MLIP: variants seen among roughly 807,000 people sequenced by gnomAD.
MLIP encodes muscular LMNA-interacting protein.
In MLIP, 79 loss-of-function variants were observed where a neutral mutation model predicts 84.8. That is an observed-to-expected ratio of 0.93 (90% CI 0.78 to 1.12). The LOEUF (loss-of-function observed/expected upper bound fraction) is 1.12. MLIP is among the 50% of genes most tolerant of loss of function. The pLI, the probability that MLIP is intolerant of heterozygous loss-of-function variation, is 0.00. For synonymous variants in MLIP, 504 were observed against 463.0 expected, an observed-to-expected ratio of 1.09 and a Z score of -1.14; for missense variants, 1,257 against 1,160.6, an observed-to-expected ratio of 1.08 and a Z score of -1.21.
At chr6:54,205,934 A>G (rs574792970) in intron 11 of MLIP, among the ~76,000 whole-genome samples, 1 of 152,292 alleles carries the variant, frequency 6.6e-6, no homozygotes, top group South Asian at 2.1e-4. Context: ...ACACTTTGCC[A>G]TAAATCTATG....
intron 1 of MLIP, among the ~76,000 whole-genome samples, chr6:54,035,985 T>C (rs1037885921): frequency 2.6e-5 from 4 of 152,058 alleles, no homozygotes; most frequent in Admixed American, 1.3e-4. Context: ...AGGTCCAGTT[T>C]ACCATTTTTT....
intron 11 of MLIP, among the ~76,000 whole-genome samples, chr6:54,210,219 C>T (rs1779346284): frequency 6.6e-6 from 1 of 152,272 alleles, no homozygotes; most frequent in African/African-American, 2.4e-5. Context: ...ACATACGTTT[C>T]AGTTCTTTCA....
At chr6:54,151,789 T>C (rs1773472678) in intron 5 of MLIP, among the ~76,000 whole-genome samples, 1 of 152,190 alleles carries the variant, frequency 6.6e-6, no homozygotes, top group Non-Finnish European at 1.5e-5. Flanking sequence ...AAACCAGATT[T>C]ACTTTTTAAA....
intron 1 of MLIP, among the ~76,000 whole-genome samples, chr6:54,086,927 A>G (rs1167075958): frequency 6.6e-6 from 1 of 152,204 alleles, no homozygotes; most frequent in Admixed American, 6.6e-5. Flanking sequence ...TACTCCCTGT[A>G]CATATCTTCC....
In MLIP at chr6:54,160,597, A is replaced by G. The variant is rs146495445; in HGVS notation, c.2437A>G (p.Met813Val). Residue 813 changes from methionine to valine, a missense_variant and splice_region_variant, in exon 7 of 14, where the codon ATG becomes GTG. Met to Val is a conservative substitution (Grantham distance 21, BLOSUM62 1). Transcript: ENST00000502396. ...IDKVLQDSLS[M>V]HSSDSPSRSP... Reference sequence around the variant, plus strand: ...TAAGGTCTTACAGGATTCCTTGTCTATGGTAATGCTTTAGACTAGAATGTG... The same window carrying G: ...TAAGGTCTTACAGGATTCCTTGTCTGTGGTAATGCTTTAGACTAGAATGTG... The G allele has an allele frequency of 7.5e-6, 12 of 1,609,056 alleles. No homozygotes were observed. The highest frequency in any genetic ancestry group is 2.2e-5 in the East Asian group (1 of 44,766).
chr6:54,116,589 T>G (rs1309001103), intron 1 of MLIP, among the ~76,000 whole-genome samples: 2 of 152,206 alleles, frequency 1.3e-5, no homozygotes, highest in Non-Finnish European at 2.9e-5. Context: ...ATAAGAAAGT[T>G]GAATCAGCAA....
At chr6:54,240,664 T>C (rs760177161) in intron 12 of MLIP, among the ~76,000 whole-genome samples, 1 of 152,168 alleles carries the variant, frequency 6.6e-6, no homozygotes, top group South Asian at 2.1e-4. Flanking sequence ...TTCAGAATTA[T>C]CTGGGGAGCT....
At chr6:54,145,498 A>G (rs981931495) in intron 4 of MLIP, among the ~76,000 whole-genome samples, 11 of 152,060 alleles carry the variant, frequency 7.2e-5, no homozygotes, top group African/African-American at 2.7e-4. Context: ...TTGGCCAGGC[A>G]TGGTGGCTCA....
At chr6:54,135,002 G>A (rs1771683504) in intron 3 of MLIP, among the ~76,000 whole-genome samples, 1 of 151,690 alleles carries the variant, frequency 6.6e-6, no homozygotes, top group African/African-American at 2.4e-5. Flanking sequence ...AAAATTCCCT[G>A]GATACACTAT....
intron 13 of MLIP, 135 bp downstream of exon 13, chr6:54,257,496 T>C: frequency 1.6e-6 from 1 of 627,104 alleles, no homozygotes; most frequent in South Asian, 2.1e-5. Flanking sequence ...ACTGTTTCAC[T>C]CTGTCAGTCA....
intron 1 of MLIP, among the ~76,000 whole-genome samples, chr6:54,060,984 T>C (rs1765931811): frequency 6.6e-6 from 1 of 150,684 alleles, no homozygotes; most frequent in African/African-American, 2.4e-5. Context: ...TTTTACTGTT[T>C]CTTTTTTTTT....
chr6:54,081,484 T>C (rs1225812735), intron 1 of MLIP, among the ~76,000 whole-genome samples: 2 of 152,184 alleles, frequency 1.3e-5, no homozygotes. Flanking sequence ...CTCCGCTCAC[T>C]GCAACCTCCG....
chr6:54,068,036 T>TCTTTCCTTCCTTCCTTCC (rs1411244271), intron 1 of MLIP, among the ~76,000 whole-genome samples: 1 of 16,780 alleles, frequency 6.0e-5, no homozygotes, highest in African/African-American at 1.2e-4. Flanking sequence ...TCCTTCCTTT[T>TCTTTCCTTCCTTCCTTCC]TTCTTTCCTT....
At chr6:54,180,680 A>AT (rs1316804835) in intron 9 of MLIP, among the ~76,000 whole-genome samples, 3 of 151,936 alleles carry the variant, frequency 2.0e-5, no homozygotes, top group Non-Finnish European at 4.4e-5. Context: ...TTTCTGCTTG[A>AT]TTTTGTTTTA....
At chr6:54,089,986 C>T (rs1193306784) in intron 1 of MLIP, among the ~76,000 whole-genome samples, 2 of 152,040 alleles carry the variant, frequency 1.3e-5, no homozygotes, top group African/African-American at 2.4e-5. Context: ...CTGACAATAC[C>T]TCTCCCCCTT....
chr6:54,090,205 T>C (rs1767771686), intron 1 of MLIP, among the ~76,000 whole-genome samples: 1 of 152,120 alleles, frequency 6.6e-6, no homozygotes, highest in Non-Finnish European at 1.5e-5. Flanking sequence ...AGATTTAGGC[T>C]TTCTTCTCAA....
rs749424242 is a variant in MLIP, at chr6:54,231,936, AG to A, written c.2922+1020del. ...TAACACTGTTATATAAGGAAAAATTAGATTTTTATATTTAATAGCTTCTATG... is the reference window on the plus strand; with the variant it reads ...TAACACTGTTATATAAGGAAAAATTAATTTTTATATTTAATAGCTTCTATG... On this transcript the variant is annotated intron_variant, in intron 12 of 13. Transcript: ENST00000502396. 1.9e-4 allele frequency among the ~76,000 whole-genome samples: 29 copies of A among 152,264 alleles called. No homozygotes were observed. In the Middle Eastern group the frequency reaches 0.014, roughly 71 times the overall value.
chr6:54,034,423 T>C (rs1238756292), intron 1 of MLIP, among the ~76,000 whole-genome samples: 2 of 152,222 alleles, frequency 1.3e-5, no homozygotes, highest in East Asian at 3.8e-4. Flanking sequence ...ATGATGGTGG[T>C]CATATAAGAT....
intron 1 of MLIP, among the ~76,000 whole-genome samples, chr6:54,039,580 A>T (rs892182461): frequency 6.6e-6 from 1 of 151,898 alleles, no homozygotes. Flanking sequence ...GTTTCAAATG[A>T]GCACATGAGA....
Sources: gnomAD v4.1 joint callset for allele counts (sites outside exome capture counted in the v4.1 genomes callset) on GRCh38, gnomAD v4.1.1 for gene constraint, MANE v1.5 for transcripts, NCBI Gene and HGNC (gene_info 2026-07-23, HGNC 2026-07-21) for gene names.